DOCK9: variants seen among roughly 807,000 people sequenced by gnomAD.
DOCK9 encodes the protein dedicator of cytokinesis 9, also known as dedicator of cytokinesis protein 9.
DOCK9 carries 89 observed loss-of-function variants against 263.3 expected under a neutral mutation model. The observed-to-expected ratio is 0.34, with a 90% CI of 0.28 to 0.40. The LOEUF is 0.40. Ranked by LOEUF, DOCK9 falls within the 10% of genes least tolerant of loss-of-function variation. DOCK9 has a pLI of 1.00. For missense variants in DOCK9, 2,140 were observed against 2,603.4 expected, an observed-to-expected ratio of 0.82 and a Z score of 3.87; for synonymous variants, 976 against 973.1, an observed-to-expected ratio of 1.00 and a Z score of -0.06.
chr13:98,895,390 G>GCCA (rs2139227643), intron 15 of DOCK9, among the ~76,000 whole-genome samples: 1 of 152,188 alleles, frequency 6.6e-6, no homozygotes, highest in African/African-American at 2.4e-5. Context: ...CCCTAGGCTG[G>GCCA]GCACGGTGGC....
chr13:99,062,764 G>T (rs546325836), intron 1 of DOCK9, among the ~76,000 whole-genome samples: 1 of 152,260 alleles, frequency 6.6e-6, no homozygotes, highest in South Asian at 2.1e-4. Flanking sequence ...CCACCCCAGG[G>T]CTCCACAGAA....
At chr13:98,917,093 A>G (rs1219873330) in intron 7 of DOCK9, among the ~76,000 whole-genome samples, 1 of 152,220 alleles carries the variant, frequency 6.6e-6, no homozygotes, top group African/African-American at 2.4e-5. Context: ...ATCTGCAAAG[A>G]CAATTTGAAG....
chr13:98,959,993 T>C (rs1248010836), intron 1 of DOCK9, among the ~76,000 whole-genome samples: 1 of 152,188 alleles, frequency 6.6e-6, no homozygotes, highest in Non-Finnish European at 1.5e-5. Context: ...GGGAACTGAT[T>C]GGCCTGAGAC....
intron 1 of DOCK9, among the ~76,000 whole-genome samples, chr13:98,974,222 T>C (rs1310447268): frequency 6.6e-6 from 1 of 152,068 alleles, no homozygotes; most frequent in Admixed American, 6.5e-5. Flanking sequence ...GAAACTAACA[T>C]GCAGACATCA....
At position 98,797,582 on chromosome 13, in the gene DOCK9, T is replaced by C. The variant is rs1312895617; in HGVS notation, c.5917-93A>G. On this transcript the variant is annotated intron_variant, in intron 50 of 52. Transcript: ENST00000682017. ...AGTTTGCAGGCACTAAAAAGCCCGT[T>C]CGCGTGAGCTACTCACAATCCCTGC... 5 of 1,062,188 alleles carry C rather than the reference T, an allele frequency of 4.7e-6. No homozygotes were observed. The Admixed American group carries it at 8.7e-5, about 19-fold the overall frequency. The allele number at this position is 1,062,188 out of a possible 1,614,324, so 65.8% of individuals were successfully genotyped here. A position where few individuals can be genotyped will look rare whatever the true frequency, so the allele number is the denominator to read the frequency against.
chr13:98,831,554 C>T, intron 40 of DOCK9, 24 bp from the exon 41 acceptor site: 1 of 1,586,212 alleles, frequency 6.3e-7, no homozygotes, highest in Non-Finnish European at 8.6e-7. Flanking sequence ...GAGGAAGCAG[C>T]AGATAAACCA....
At chr13:98,956,745 T>A (rs533790527) in intron 1 of DOCK9, among the ~76,000 whole-genome samples, 2 of 152,038 alleles carry the variant, frequency 1.3e-5, no homozygotes, top group South Asian at 4.2e-4. Flanking sequence ...AGACTCCATC[T>A]CAAAAAACAA....
At chr13:98,931,096 G>A (rs2053843870) in intron 2 of DOCK9, among the ~76,000 whole-genome samples, 1 of 152,198 alleles carries the variant, frequency 6.6e-6, no homozygotes, top group Non-Finnish European at 1.5e-5. Flanking sequence ...TAGACACACA[G>A]AAGATGCTCA....
At chr13:98,886,664 T>G (rs1372624354) in intron 18 of DOCK9, 40 bp from the exon 19 acceptor site, 1 of 1,574,314 alleles carries the variant, frequency 6.4e-7, no homozygotes. Context: ...CACGGTTCGA[T>G]TAAGTAAGAA....
chr13:98,854,875 G>A (rs1161187010), intron 34 of DOCK9: 1 of 152,208 alleles, frequency 6.6e-6, no homozygotes, highest in Non-Finnish European at 1.5e-5. Flanking sequence ...TGCGTGACAA[G>A]ATTATAAACC....
At chr13:98,897,850 C>T (rs1423837728) in intron 14 of DOCK9, among the ~76,000 whole-genome samples, 1 of 152,166 alleles carries the variant, frequency 6.6e-6, no homozygotes, top group Non-Finnish European at 1.5e-5. Context: ...AAGTCAAATG[C>T]TTAACAAGTA....
chr13:98,977,052 C>T (rs970606902), intron 1 of DOCK9, among the ~76,000 whole-genome samples: 5 of 152,150 alleles, frequency 3.3e-5, no homozygotes, highest in Non-Finnish European at 7.3e-5. Context: ...TGGTTTTGTG[C>T]AGCTTGCTTA....
chr13:99,076,015 G>C (rs959969903), intron 1 of DOCK9, among the ~76,000 whole-genome samples: 3 of 152,116 alleles, frequency 2.0e-5, no homozygotes, highest in Non-Finnish European at 4.4e-5. Flanking sequence ...CAACCTCAAA[G>C]AAAGAGAGGC....
chr13:99,008,185 C>CCTCT (rs370963218), intron 1 of DOCK9, among the ~76,000 whole-genome samples: 4,900 of 100,488 alleles, frequency 0.049, 137 homozygotes, highest in South Asian at 0.059. Flanking sequence ...TATTGTGCAG[C>CCTCT]CTCTCTCTCT....
intron 1 of DOCK9, among the ~76,000 whole-genome samples, chr13:98,993,414 A>G (rs1880276786): frequency 6.6e-6 from 1 of 152,216 alleles, no homozygotes; most frequent in Non-Finnish European, 1.5e-5. Context: ...GAGGTAGGAA[A>G]TTTTTTAAAC....
At chr13:98,919,860 T>C (rs1348282831) in intron 7 of DOCK9, among the ~76,000 whole-genome samples, 1 of 152,222 alleles carries the variant, frequency 6.6e-6, no homozygotes, top group Non-Finnish European at 1.5e-5. Context: ...AAACATACGC[T>C]TTCTCCTTAA....
At position 98,951,025 on chromosome 13, in the gene DOCK9, A is replaced by T. The variant is rs77077538; in HGVS notation, c.243+4410T>A. ...TCATCATGTCTTAAGCGACAAGTCA[A>T]CTTATACAGCTTGACCTAAAACCTT... On this transcript the variant is annotated intron_variant, in intron 2 of 52. Transcript: ENST00000682017. 2.5e-3 allele frequency among the ~76,000 whole-genome samples: 382 copies of T among 152,318 alleles called. 2 individuals are homozygous for T. Among genetic ancestry groups the T allele is most frequent in the African/African-American group, 8.9e-3 (372 of 41,572 alleles).
At chr13:98,893,033 G>A (rs2046865612) in intron 15 of DOCK9, among the ~76,000 whole-genome samples, 1 of 152,186 alleles carries the variant, frequency 6.6e-6, no homozygotes, top group African/African-American at 2.4e-5. Flanking sequence ...AAGGGGAAGT[G>A]TGTATGCTGC....
At chr13:99,027,240 G>A (rs898062434) in intron 1 of DOCK9, among the ~76,000 whole-genome samples, 3 of 151,928 alleles carry the variant, frequency 2.0e-5, no homozygotes, top group African/African-American at 4.8e-5. Context: ...GGCTGGTATC[G>A]AACTCCTAAC....
Sources: allele counts gnomAD v4.1 joint callset (sites outside exome capture counted in the v4.1 genomes callset), GRCh38; gene constraint gnomAD v4.1.1; transcripts MANE v1.5; gene names NCBI Gene and HGNC (gene_info 2026-07-23, HGNC 2026-07-21).